RARB: variants seen among roughly 807,000 people sequenced by gnomAD.
The protein encoded by RARB is HBV-activated protein.
In RARB, 17 loss-of-function variants were observed where a neutral mutation model predicts 51.9. The observed-to-expected ratio is 0.33, with a 90% confidence interval of 0.22 to 0.49. RARB has a LOEUF of 0.49. Ranked by LOEUF, RARB falls within the 20% of genes least tolerant of loss-of-function variation. The probability of loss-of-function intolerance (pLI) is 0.99; values close to 1 mark genes in which losing one functional copy is unlikely to be tolerated. For missense variants in RARB, 369 were observed against 550.8 expected (o/e 0.67, Z 3.30); for synonymous variants, 215 against 195.4 (o/e 1.10, Z -0.84).
intron 5 of RARB, among the ~76,000 whole-genome samples, chr3:25,175,461 C>T (rs1346133157): frequency 6.6e-6 from 1 of 152,200 alleles, no homozygotes; most frequent in African/African-American, 2.4e-5. Flanking sequence ...AGGACTTCCC[C>T]CAAATATTAG....
intron 5 of RARB, among the ~76,000 whole-genome samples, chr3:25,259,293 C>T (rs1392061488): frequency 6.6e-6 from 1 of 152,060 alleles, no homozygotes; most frequent in Admixed American, 6.6e-5. Flanking sequence ...TCCCAGCATT[C>T]TTCATATTTG....
intron 2 of RARB, among the ~76,000 whole-genome samples, chr3:25,462,813 C>A (rs1695248138): frequency 6.6e-6 from 1 of 152,172 alleles, no homozygotes; most frequent in Non-Finnish European, 1.5e-5. Flanking sequence ...TGTGATCCCT[C>A]ATTCCCATCA....
At chr3:25,064,219 A>G (rs1282197442) in intron 3 of RARB, among the ~76,000 whole-genome samples, 2 of 152,166 alleles carry the variant, frequency 1.3e-5, no homozygotes, top group African/African-American at 2.4e-5. Flanking sequence ...TGCCATCTCA[A>G]CAAAATAGTA....
intron 5 of RARB, among the ~76,000 whole-genome samples, chr3:25,290,320 G>A (rs1703755913): frequency 6.6e-6 from 1 of 152,120 alleles, no homozygotes; most frequent in Non-Finnish European, 1.5e-5. Context: ...GGCATGAACT[G>A]GGGGAAGACC....
intron 1 of RARB, among the ~76,000 whole-genome samples, chr3:24,855,491 C>T (rs908516018): frequency 6.6e-6 from 1 of 152,090 alleles, no homozygotes; most frequent in African/African-American, 2.4e-5. Context: ...CTTTTTGGAC[C>T]TCAGCTTTCC....
chr3:25,106,470 T>TTG (rs1699506193), intron 3 of RARB, among the ~76,000 whole-genome samples: 6 of 131,468 alleles, frequency 4.6e-5, no homozygotes, highest in Admixed American at 3.2e-4. Context: ...TTTTTTTTGT[T>TTG]TTGTTTTTTT....
chr3:25,089,053 C>T (rs959434019), intron 3 of RARB, among the ~76,000 whole-genome samples: 7 of 151,260 alleles, frequency 4.6e-5, no homozygotes, highest in Non-Finnish European at 1.0e-4. Context: ...TCTAAGTTGA[C>T]ATTTCTTTAG....
chr3:24,925,063 G>C (rs1167422611), intron 2 of RARB, among the ~76,000 whole-genome samples: 1 of 151,998 alleles, frequency 6.6e-6, no homozygotes, highest in African/African-American at 2.4e-5. Flanking sequence ...GGTAACGAAA[G>C]GCAAATCTTG....
At position 25,015,033 on chromosome 3, in the gene RARB, G is replaced by C. The variant is rs528744702; in HGVS notation, c.-379-45092G>C. Among the ~76,000 whole-genome samples, 3 of 152,272 alleles carry C rather than the reference G, an allele frequency of 2.0e-5. No homozygotes were observed. In the East Asian group the frequency reaches 5.8e-4, roughly 29 times the overall value. ...GCGTTGTTTATCTACAAACAGATTTGAAGTGCTCGTAATCAGGACTTTTCC... is the reference window on the plus strand; with the variant it reads ...GCGTTGTTTATCTACAAACAGATTTCAAGTGCTCGTAATCAGGACTTTTCC... On this transcript the variant is annotated intron_variant, in intron 2 of 11. Transcript: ENST00000383772.
At chr3:25,323,358 A>G (rs1704625705) in intron 5 of RARB, among the ~76,000 whole-genome samples, 1 of 152,320 alleles carries the variant, frequency 6.6e-6, no homozygotes, top group Non-Finnish European at 1.5e-5. Flanking sequence ...ATTATTAAAG[A>G]ACAGCCTACC....
At chr3:25,314,939 T>C (rs558918219) in intron 5 of RARB, among the ~76,000 whole-genome samples, 31 of 152,312 alleles carry the variant, frequency 2.0e-4, no homozygotes, top group Non-Finnish European at 3.8e-4. Flanking sequence ...AGAACATGGA[T>C]GTAGCTGGAG....
At chr3:25,160,630 A>G (rs1700458879) in intron 4 of RARB, among the ~76,000 whole-genome samples, 1 of 152,242 alleles carries the variant, frequency 6.6e-6, no homozygotes, top group Admixed American at 6.5e-5. Flanking sequence ...GAGGCTCAGC[A>G]TGGGTTGATG....
rs992568494 is a variant in RARB, at chr3:25,136,993, GA to G, written c.-280+4792del. ...TGAGTGCACCTAAATTGTTCAAAAA[GA>G]AAAAAATATTAAGCAAGGAGTAGCA... On this transcript the variant is annotated intron_variant, in intron 4 of 11. Transcript: ENST00000383772. 3.5e-4 allele frequency among the ~76,000 whole-genome samples: 53 copies of G among 151,796 alleles called. 1 individual carries two copies. Among genetic ancestry groups the G allele is most frequent in the Non-Finnish European group, 4.0e-4 (27 of 67,910 alleles).
intron 2 of RARB, among the ~76,000 whole-genome samples, chr3:24,897,541 A>G (rs1226568146): frequency 2.0e-5 from 3 of 152,232 alleles, no homozygotes; most frequent in Non-Finnish European, 4.4e-5. Flanking sequence ...AAAAGTATAG[A>G]AAAGATAGAA....
At chr3:25,570,034 C>G (rs1031074643) in intron 4 of RARB, 116 bp downstream of exon 4, 3 of 1,369,178 alleles carry the variant, frequency 2.2e-6, no homozygotes, top group African/African-American at 2.9e-5. Flanking sequence ...TGCACTGGGC[C>G]TGGCAGGGGC....
rs9851149 is a variant in RARB, at chr3:25,195,987, C to T, written c.178+21412C>T. Among the ~76,000 whole-genome samples the T allele has an allele frequency of 1.7e-3, 252 of 151,966 alleles. 2 individuals are homozygous for T. The highest frequency in any genetic ancestry group is 5.6e-3 in the African/African-American group (234 of 41,480). On this transcript the variant is annotated intron_variant, in intron 5 of 11. Transcript: ENST00000383772. Reference sequence around the variant, plus strand: ...GGGAGTTTTGTGGTTATATTTGTTCCTCTGCTTCGAGTCATTTAAAAATTC... The same window carrying T: ...GGGAGTTTTGTGGTTATATTTGTTCTTCTGCTTCGAGTCATTTAAAAATTC...
At chr3:25,120,936 T>G (rs1390509547) in intron 3 of RARB, among the ~76,000 whole-genome samples, 2 of 152,102 alleles carry the variant, frequency 1.3e-5, no homozygotes, top group South Asian at 2.1e-4. Context: ...GCTACAGAGA[T>G]CCTGTGGCCC....
chr3:25,267,013 G>A (rs147025646), intron 5 of RARB, among the ~76,000 whole-genome samples: 19 of 152,342 alleles, frequency 1.2e-4, no homozygotes, highest in East Asian at 9.6e-4. Context: ...AAAGCTGCCT[G>A]TAGTTCAATT....
chr3:25,486,603 A>T (rs1423778433), intron 2 of RARB, among the ~76,000 whole-genome samples: 1 of 152,220 alleles, frequency 6.6e-6, no homozygotes, highest in African/African-American at 2.4e-5. Context: ...TTAATAAACT[A>T]CATCAGAACA....
Sources: allele counts gnomAD v4.1 joint callset (sites outside exome capture counted in the v4.1 genomes callset), GRCh38; gene constraint gnomAD v4.1.1; transcripts MANE v1.5; gene names NCBI Gene and HGNC (gene_info 2026-07-23, HGNC 2026-07-21).